The following NLRP1 variants were observed in gnomAD, a reference collection of about 807,000 sequenced individuals.
The protein encoded by NLRP1 is NLR family pyrin domain containing 1, also known as NACHT, LRR and PYD domains-containing protein 1.
In NLRP1, 94 loss-of-function variants were observed where a neutral mutation model predicts 136.7. The observed-to-expected ratio is 0.69, with a 90% CI of 0.58 to 0.82. The LOEUF is 0.82. Ranked by LOEUF, NLRP1 falls within the 40% of genes least tolerant of loss-of-function variation. The pLI, the probability that NLRP1 is intolerant of heterozygous loss-of-function variation, is 0.00. For synonymous variants in NLRP1, 690 were observed against 725.1 expected, an observed-to-expected ratio of 0.95 and a Z score of 0.78; for missense variants, 1,575 against 1,802.7, an observed-to-expected ratio of 0.87 and a Z score of 2.29.
rs5819029 is a variant in NLRP1, at chr17:5,504,627, T to TTAGAATAGAATAGAATAGAATAGAA, written c.4070-2780_4070-2756dup. On this transcript the variant is annotated intron_variant, in intron 15 of 15. Transcript: ENST00000262467. The surrounding 1 kb of genome is among the most constrained non-coding windows in gnomAD (Gnocchi z 4.4). ...AGACTGAGACTCTGTCTCAAAAAAA[T>TTAGAATAGAATAGAATAGAATAGAA]TAGAATAGAATAGAATAGAATAGAA... 6.7e-5 allele frequency: 10 copies of TTAGAATAGAATAGAATAGAATAGAA among 149,534 alleles called. No homozygotes were observed. The highest frequency in any genetic ancestry group is 7.4e-5 in the African/African-American group (3 of 40,350). The allele number at this position is 149,534 out of a possible 1,614,324, so 9.3% of individuals were successfully genotyped here. A position where few individuals can be genotyped will look rare whatever the true frequency, so the allele number is the denominator to read the frequency against.
chr17:5,568,594 T>C (rs1273570718), intron 3 of NLRP1, among the ~76,000 whole-genome samples: 1 of 152,132 alleles, frequency 6.6e-6, no homozygotes, highest in African/African-American at 2.4e-5. Context: ...TTTTCCTGGA[T>C]GGTGTTAATG....
intron 15 of NLRP1, 90 bp downstream of exon 15, chr17:5,517,656 G>C: frequency 6.8e-7 from 1 of 1,473,852 alleles, no homozygotes; most frequent in East Asian, 2.3e-5. Flanking sequence ...AAAGTTCTGG[G>C]ATTACAGGCG....
intron 12 of NLRP1, among the ~76,000 whole-genome samples, chr17:5,524,275 T>C (rs11654130): frequency 0.059 from 8,953 of 152,310 alleles, 315 homozygotes; most frequent in Middle Eastern, 0.099. Context: ...TAGTCCATGA[T>C]ACTTTGTCTC....
downstream of NLRP1, chr17:5,512,457 A>G (rs1907703562): frequency 1.4e-6 from 1 of 738,730 alleles, no homozygotes; most frequent in Non-Finnish European, 2.5e-6. Context: ...CAGGTTTTCT[A>G]CAATGGAAAC....
intron 5 of NLRP1, among the ~76,000 whole-genome samples, chr17:5,543,935 G>A (rs1409666870): frequency 1.3e-5 from 2 of 152,186 alleles, no homozygotes; most frequent in Non-Finnish European, 2.9e-5. Flanking sequence ...CCCGTGCTCA[G>A]AAGGACCCGG....
Position 5,558,624 on chromosome 17 carries a change from T to C in NLRP1, c.2072A>G (p.His691Arg). 6.2e-7 allele frequency: 1 copy of C among 1,614,102 alleles called. No individual in the cohort carries two copies. Among genetic ancestry groups the C allele is most frequent in the Non-Finnish European group, 8.5e-7 (1 of 1,180,000 alleles). The change falls in exon 4 of 17, where the codon CAC (histidine) becomes CGC (arginine). Residue 691 changes from histidine (H) to arginine (R), a missense_variant. By Grantham distance (29) the His-to-Arg change is conservative. Transcript: ENST00000572272. ...GTTCCTCCCCTGAGACAGCCGGCAG[T>C]GAAAGATGTTCTCCATCTCTCTCTC... is the stretch of plus-strand genomic sequence containing the variant. ...EGEREMENIF[H>R]CRLSQGRNLM... is the part of the protein sequence containing the mutation.
downstream of NLRP1, among the ~76,000 whole-genome samples, chr17:5,511,745 T>TCCC (rs1907645194): frequency 6.9e-6 from 1 of 144,642 alleles, no homozygotes; most frequent in Non-Finnish European, 1.5e-5. Context: ...CCTCCCTCCC[T>TCCC]TTCTCTTTTC....
downstream of NLRP1, among the ~76,000 whole-genome samples, chr17:5,510,073 CTTT>C (rs899981503): frequency 1.4e-5 from 2 of 147,160 alleles, no homozygotes; most frequent in African/African-American, 5.0e-5. Context: ...TCTTCTTCTT[CTTT>C]TTTTTTTTTA....
chr17:5,513,861 C>T (rs968586440), downstream of NLRP1, among the ~76,000 whole-genome samples: 4 of 152,138 alleles, frequency 2.6e-5, no homozygotes, highest in Non-Finnish European at 5.9e-5. Context: ...CGGTTGTCCT[C>T]GCTGCTCATT....
chr17:5,530,438 A>G, intron 12 of NLRP1, 43 bp downstream of exon 12: 1 of 1,564,226 alleles, frequency 6.4e-7, no homozygotes, highest in Non-Finnish European at 8.8e-7. Context: ...TTTCAGGCCC[A>G]TAATTACCAC....
At chr17:5,564,734 GTTTTTTTTT>G (rs59428190) in intron 3 of NLRP1, among the ~76,000 whole-genome samples, 27 of 97,818 alleles carry the variant, frequency 2.8e-4, no homozygotes, top group South Asian at 7.0e-4. Flanking sequence ...AATTTTTAGT[GTTTTTTTTT>G]TTTTTTTTTT....
At chr17:5,544,640 T>C (rs1319427387) in intron 5 of NLRP1, among the ~76,000 whole-genome samples, 1 of 152,162 alleles carries the variant, frequency 6.6e-6, no homozygotes, top group East Asian at 1.9e-4. Flanking sequence ...TAAAATACAC[T>C]GTGATAGGTT....
At chr17:5,582,869 T>A (rs200249213) in intron 1 of NLRP1, 23 bp from the exon 2 acceptor site, 1 of 1,578,032 alleles carries the variant, frequency 6.3e-7, no homozygotes. Flanking sequence ...GACAAAGAGG[T>A]TGGAGACACA....
chr17:5,566,617 GA>G (rs1915360318), intron 3 of NLRP1, among the ~76,000 whole-genome samples: 2 of 152,114 alleles, frequency 1.3e-5, no homozygotes, highest in African/African-American at 4.8e-5. Context: ...ATGTGCTGAG[GA>G]AAAGAATGTG....
chr17:5,512,527 TCC>T, downstream of NLRP1: 1 of 601,932 alleles, frequency 1.7e-6, no homozygotes, highest in South Asian at 1.8e-5. Context: ...CCATTGACTG[TCC>T]TCTTGGAGGA....
exon 16 of NLRP1, chr17:5,501,659 C>T: frequency 3.4e-6 from 2 of 595,290 alleles, no homozygotes; most frequent in Non-Finnish European, 6.1e-6. Flanking sequence ...AGGCATCCAG[C>T]CTTTTGAGCA....
At chr17:5,551,018 A>C (rs1216653383) in intron 5 of NLRP1, among the ~76,000 whole-genome samples, 1 of 152,120 alleles carries the variant, frequency 6.6e-6, no homozygotes, top group African/African-American at 2.4e-5. Flanking sequence ...CATTTGTTAC[A>C]ATTGATAAAC....
At chr17:5,501,781 G>T (rs534096389) in exon 16 of NLRP1, 7 of 1,597,376 alleles carry the variant, frequency 4.4e-6, no homozygotes, top group African/African-American at 4.0e-5. Context: ...AGCCCTCTCT[G>T]GCTTCATTGG....
At chr17:5,538,650 G>A (rs912380129) in intron 7 of NLRP1, among the ~76,000 whole-genome samples, 3 of 152,040 alleles carry the variant, frequency 2.0e-5, no homozygotes, top group Non-Finnish European at 4.4e-5. Context: ...AGCTTCAGTA[G>A]GGCAGGGCCC....
Sources: gnomAD v4.1 joint callset for allele counts (sites outside exome capture counted in the v4.1 genomes callset) on GRCh38, gnomAD v4.1.1 for gene constraint, Gnocchi (gnomAD v3.1) non-coding constraint, MANE v1.5 for transcripts, NCBI Gene and HGNC (gene_info 2026-07-23, HGNC 2026-07-21) for gene names.